UBE2D3: variants seen among roughly 807,000 people sequenced by gnomAD.
The protein encoded by UBE2D3 is ubiquitin conjugating enzyme E2 D3.
UBE2D3 carries 2 observed loss-of-function variants against 22.8 expected under a neutral mutation model. The ratio of observed to expected loss-of-function variants is 0.09; its 90% CI spans 0.04 to 0.28. UBE2D3 has a LOEUF of 0.28. Ranked by LOEUF, UBE2D3 falls within the 10% of genes least tolerant of loss-of-function variation. The probability of loss-of-function intolerance (pLI) is 1.00; values close to 1 mark genes in which losing one functional copy is unlikely to be tolerated. For missense variants in UBE2D3, 27 were observed against 182.5 expected, an observed-to-expected ratio of 0.15 and a Z score of 4.91; for synonymous variants, 56 against 60.4, an observed-to-expected ratio of 0.93 and a Z score of 0.34.
chr4:102,839,323 A>G (rs537611857), intron 1 of UBE2D3, among the ~76,000 whole-genome samples: 10 of 152,216 alleles, frequency 6.6e-5, no homozygotes, highest in South Asian at 4.1e-4. Flanking sequence ...CTGGAATGCA[A>G]TGGCGCCATC....
rs1387341242 is a variant in UBE2D3, at chr4:102,797,233, A to G, written c.*182T>C. Reference sequence around the variant, plus strand: ...GTTTCTAAAAGCAGTTATTGTCCAAAGCTGGAAGAACTTAAGTCTTCTCAG... The same window carrying G: ...GTTTCTAAAAGCAGTTATTGTCCAAGGCTGGAAGAACTTAAGTCTTCTCAG... On this transcript the variant is annotated 3_prime_UTR_variant, in exon 8 of 8. Coordinates refer to ENST00000453744, the MANE Select transcript of UBE2D3 (RefSeq NM_181891.3). The G allele has an allele frequency of 6.0e-6, 3 of 497,238 alleles. No homozygotes were observed. The highest frequency in any genetic ancestry group is 1.1e-5 in the Non-Finnish European group (3 of 279,070). 30.8% of individuals were successfully genotyped at this position (497,238 alleles called of 1,614,324 possible).
At chr4:102,852,900 C>A (rs1430188731) in intron 1 of UBE2D3, among the ~76,000 whole-genome samples, 1 of 152,108 alleles carries the variant, frequency 6.6e-6, no homozygotes, top group African/African-American at 2.4e-5. Context: ...GCCATAGTTG[C>A]TATTGGTCAT....
chr4:102,827,543 G>C lies in UBE2D3; in HGVS notation c.-245C>G, dbSNP rs937316401. The stretch of plus-strand genomic sequence containing the variant: ...GACACAGCCACAAGATGTCCGCTCT[G>C]ACGGAACTACTGCCAGCTGCCACGC... On this transcript the variant is annotated 5_prime_UTR_variant, in exon 1 of 8. Coordinates refer to ENST00000453744, the MANE Select transcript of UBE2D3 (RefSeq NM_181891.3). 1 of 986,440 alleles carries C rather than the reference G, an allele frequency of 1.0e-6. No individual in the cohort carries two copies. The highest frequency in any genetic ancestry group is 1.7e-5 in the African/African-American group (1 of 57,328). 61.1% of individuals were successfully genotyped at this position (986,440 alleles called of 1,614,324 possible).
rs1489145531 is a variant in UBE2D3, at chr4:102,795,956, A to T, written c.*1459T>A. The T allele has an allele frequency of 6.6e-6, 1 of 152,492 alleles. No individual in the cohort carries two copies. The highest frequency in any genetic ancestry group is 2.4e-5 in the African/African-American group (1 of 41,448). The allele number at this position is 152,492 out of a possible 1,614,324, so 9.4% of individuals were successfully genotyped here. ...AAGTTAAATCAGTGGCACAGATAGC[A>T]CTTGTCAAACAAAAAACAATCCAAT... On this transcript the variant is annotated 3_prime_UTR_variant, in exon 8 of 8. Transcript: ENST00000453744.
In UBE2D3 at chr4:102,799,017, GAAAGTT is replaced by G. The variant is rs752113016; in HGVS notation, c.398+384_398+389del. On this transcript the variant is annotated intron_variant, in intron 7 of 7. Transcript: ENST00000453744. ...ACACTTAGCATTAATTATAACATAT[GAAAGTT>G]ATAATGGTTAAGTTGAACATAAATA... The G allele has an allele frequency of 5.2e-6, 8 of 1,552,962 alleles. No individual in the cohort carries two copies. The East Asian group carries it at 1.8e-4, about 35-fold the overall frequency.
At chr4:102,836,166 T>G (rs223376) in intron 1 of UBE2D3, among the ~76,000 whole-genome samples, 1 of 131,946 alleles carries the variant, frequency 7.6e-6, no homozygotes, top group African/African-American at 3.0e-5. Flanking sequence ...TTTTTTTTTG[T>G]GACTGAGTCT....
At chr4:102,800,547 G>T (rs1162819017) in intron 6 of UBE2D3, among the ~76,000 whole-genome samples, 4 of 152,038 alleles carry the variant, frequency 2.6e-5, no homozygotes, top group Non-Finnish European at 5.9e-5. Context: ...TGATATTTAG[G>T]TATGTAGCAT....
chr4:102,827,432 G>A lies in UBE2D3; in HGVS notation c.-134C>T. On this transcript the variant is annotated 5_prime_UTR_variant, in exon 1 of 8. Coordinates refer to ENST00000453744, the MANE Select transcript of UBE2D3 (RefSeq NM_181891.3). ...CCGTCCACACCCACGCGTACAGAGG[G>A]GCCGGGGCCTCCCTCAAGCTGCGGC... The A allele has an allele frequency of 2.0e-6, 2 of 986,106 alleles. No individual in the cohort carries two copies. The highest frequency in any genetic ancestry group is 1.7e-5 in the African/African-American group (1 of 57,346). 61.1% of individuals were successfully genotyped at this position (986,106 alleles called of 1,614,324 possible). A position where few individuals can be genotyped will look rare whatever the true frequency, so the allele number is the denominator to read the frequency against.
In UBE2D3 at chr4:102,809,945, AT is replaced by A; in HGVS notation, c.25-91del. ...CACTGCTTTCAGTTACTTTCACCCT[AT>A]TTTTAAAGGCACACTCCATCACAAT... On this transcript the variant is annotated intron_variant, in intron 2 of 7. Coordinates refer to ENST00000453744, the MANE Select transcript of UBE2D3 (RefSeq NM_181891.3). 3.1e-6 allele frequency: 4 copies of A among 1,270,652 alleles called. No homozygotes were observed. The South Asian group carries it at 4.9e-5, about 16-fold the overall frequency. 78.7% of individuals were successfully genotyped at this position (1,270,652 alleles called of 1,614,324 possible). A position where few individuals can be genotyped will look rare whatever the true frequency, so the allele number is the denominator to read the frequency against.
chr4:102,805,137 C>T (rs995394233), intron 4 of UBE2D3, among the ~76,000 whole-genome samples: 3 of 151,766 alleles, frequency 2.0e-5, no homozygotes, highest in African/African-American at 4.8e-5. Context: ...TTCGTTTGTT[C>T]GAAAAAAGAA....
intron 7 of UBE2D3, among the ~76,000 whole-genome samples, chr4:102,798,244 A>G (rs1379937176): frequency 7.4e-6 from 1 of 135,288 alleles, no homozygotes; most frequent in African/African-American, 2.9e-5. Flanking sequence ...TAGACTACTT[A>G]CAACAACAAA....
At chr4:102,841,355 T>C (rs1034603592) in intron 1 of UBE2D3, among the ~76,000 whole-genome samples, 3 of 152,188 alleles carry the variant, frequency 2.0e-5, no homozygotes, top group Admixed American at 1.3e-4. Context: ...TAGTTACTGC[T>C]GAACATCTTG....
At chr4:102,848,266 T>A (rs1296191277) in intron 1 of UBE2D3, among the ~76,000 whole-genome samples, 1 of 152,076 alleles carries the variant, frequency 6.6e-6, no homozygotes, top group Non-Finnish European at 1.5e-5. Flanking sequence ...ATCCCAGCAC[T>A]TTGGGAGGCA....
intron 2 of UBE2D3, among the ~76,000 whole-genome samples, chr4:102,824,140 TA>T (rs112404378): frequency 2.0e-5 from 3 of 152,238 alleles, no homozygotes; most frequent in Non-Finnish European, 4.4e-5. Flanking sequence ...AAAGTTTCTG[TA>T]AGTTGAATCA....
chr4:102,832,970 C>T (rs1376580030), intron 1 of UBE2D3, among the ~76,000 whole-genome samples: 1 of 145,734 alleles, frequency 6.9e-6, no homozygotes, highest in African/African-American at 2.6e-5. Flanking sequence ...GCACTCTAGC[C>T]TAGGTGACAG....
chr4:102,795,367 A>G lies in UBE2D3; in HGVS notation c.*2048T>C, dbSNP rs1725169270. The G allele has an allele frequency of 6.6e-6, 1 of 152,104 alleles. No individual in the cohort carries two copies. Among genetic ancestry groups the G allele is most frequent in the African/African-American group, 2.4e-5 (1 of 41,452 alleles). 9.4% of individuals were successfully genotyped at this position (152,104 alleles called of 1,614,324 possible). A position where few individuals can be genotyped will look rare whatever the true frequency, so the allele number is the denominator to read the frequency against. ...TATGCCTACTAAAGCTGTTATTTTG[A>G]GACTATATGCATCTCAGAAGTAATT... On this transcript the variant is annotated 3_prime_UTR_variant, in exon 8 of 8. Coordinates refer to ENST00000453744, the MANE Select transcript of UBE2D3 (RefSeq NM_181891.3).
At chr4:102,823,195 GACAAA>G (rs1729907076) in intron 2 of UBE2D3, among the ~76,000 whole-genome samples, 2 of 151,806 alleles carry the variant, frequency 1.3e-5, no homozygotes, top group African/African-American at 4.8e-5. Flanking sequence ...CGTTCTGAAT[GACAAA>G]AAAAAACTAA....
chr4:102,835,202 G>T (rs1055106331), intron 1 of UBE2D3, among the ~76,000 whole-genome samples: 5 of 152,096 alleles, frequency 3.3e-5, no homozygotes, highest in African/African-American at 1.2e-4. Flanking sequence ...ACCAACCACG[G>T]ATCCAAAATA....
rs1325690313 is a variant in UBE2D3, at chr4:102,795,989, A to T, written c.*1426T>A. Reference sequence around the variant, plus strand: ...AACAAAAAACAATCCAATAGCATTGACTTTTATTCATTCATGTTAAGTCAC... The same window carrying T: ...AACAAAAAACAATCCAATAGCATTGTCTTTTATTCATTCATGTTAAGTCAC... On this transcript the variant is annotated 3_prime_UTR_variant, in exon 8 of 8. Coordinates refer to ENST00000453744, the MANE Select transcript of UBE2D3 (RefSeq NM_181891.3). 1 of 152,442 alleles carries T rather than the reference A, an allele frequency of 6.6e-6. No individual in the cohort carries two copies. The highest frequency in any genetic ancestry group is 1.5e-5 in the Non-Finnish European group (1 of 67,898). The allele number at this position is 152,442 out of a possible 1,614,324, so 9.4% of individuals were successfully genotyped here.
Sources: allele counts gnomAD v4.1 joint callset (sites outside exome capture counted in the v4.1 genomes callset), GRCh38; gene constraint gnomAD v4.1.1; transcripts MANE v1.5; gene names NCBI Gene and HGNC (gene_info 2026-07-23, HGNC 2026-07-21).